The following DLGAP1 variants were observed in gnomAD, a reference collection of about 807,000 sequenced individuals.
DLGAP1 encodes disks large-associated protein 1.
DLGAP1 carries 11 observed loss-of-function variants against 90.8 expected under a neutral mutation model. The observed-to-expected ratio is 0.12, with a 90% CI of 0.08 to 0.20. DLGAP1 has a LOEUF of 0.20. Ranked by LOEUF, DLGAP1 falls within the 10% of genes least tolerant of loss-of-function variation. DLGAP1 has a pLI of 1.00. For missense variants in DLGAP1, 1,050 were observed against 1,333.8 expected (o/e 0.79, Z 3.31); for synonymous variants, 558 against 540.7 (o/e 1.03, Z -0.44).
chr18:3,881,083 C>T (rs1390106194), intron 3 of DLGAP1, among the ~76,000 whole-genome samples: 3 of 148,452 alleles, frequency 2.0e-5, no homozygotes, highest in Non-Finnish European at 4.4e-5. Flanking sequence ...ATGTATCGTT[C>T]TCTTGCTTCT....
At chr18:4,106,075 A>C (rs982516475) in intron 2 of DLGAP1, among the ~76,000 whole-genome samples, 1 of 151,704 alleles carries the variant, frequency 6.6e-6, no homozygotes, top group African/African-American at 2.4e-5. Flanking sequence ...AATTAAACTA[A>C]AAACTGCTTA....
chr18:3,920,474 C>T (rs541426415), intron 3 of DLGAP1, among the ~76,000 whole-genome samples: 1 of 152,204 alleles, frequency 6.6e-6, no homozygotes, highest in African/African-American at 2.4e-5. Flanking sequence ...TTTCCTACCT[C>T]CCCTCTGCTG....
At chr18:4,429,979 A>T (rs2144741237) in intron 1 of DLGAP1, among the ~76,000 whole-genome samples, 1 of 152,358 alleles carries the variant, frequency 6.6e-6, no homozygotes, top group East Asian at 1.9e-4. Context: ...CCATTTTCAT[A>T]AAATTTGAAA....
intron 1 of DLGAP1, among the ~76,000 whole-genome samples, chr18:4,338,371 A>G (rs868572032): frequency 3.9e-5 from 6 of 152,354 alleles, no homozygotes; most frequent in South Asian, 4.1e-4. Flanking sequence ...TACATGTCCA[A>G]TAATACTTCT....
At chr18:3,948,208 C>A (rs1204273328) in intron 3 of DLGAP1, among the ~76,000 whole-genome samples, 1 of 152,158 alleles carries the variant, frequency 6.6e-6, no homozygotes, top group East Asian at 1.9e-4. Flanking sequence ...CAAAGACATC[C>A]AGTTGATGGC....
chr18:4,322,322 G>A (rs1288537017), intron 1 of DLGAP1, among the ~76,000 whole-genome samples: 1 of 152,142 alleles, frequency 6.6e-6, no homozygotes, highest in African/African-American at 2.4e-5. Context: ...AATAGGAGAG[G>A]TCAGAAATAA....
chr18:3,684,792 A>G (rs2060639987), intron 7 of DLGAP1, among the ~76,000 whole-genome samples: 1 of 152,144 alleles, frequency 6.6e-6, no homozygotes, highest in African/African-American at 2.4e-5. Flanking sequence ...AATGTCACTT[A>G]GACCACACCT....
intron 3 of DLGAP1, among the ~76,000 whole-genome samples, chr18:3,912,307 G>T (rs2072052590): frequency 6.6e-6 from 1 of 152,180 alleles, no homozygotes; most frequent in African/African-American, 2.4e-5. Context: ...ACTGTGTTAA[G>T]TTCTGTGGGG....
chr18:3,537,809 T>C (rs759394574), intron 9 of DLGAP1, among the ~76,000 whole-genome samples: 3 of 152,238 alleles, frequency 2.0e-5, no homozygotes, highest in Non-Finnish European at 2.9e-5. Flanking sequence ...GTGTGTTCTG[T>C]GATTTCTGTG....
chr18:3,671,464 A>G (rs1116347), intron 7 of DLGAP1, among the ~76,000 whole-genome samples: 61,515 of 152,098 alleles, frequency 0.4, 13,821 homozygotes, highest in East Asian at 0.79. Flanking sequence ...TAGGTGCTCC[A>G]TAAATGCTTG....
At chr18:3,973,386 C>T (rs1303960077) in intron 3 of DLGAP1, among the ~76,000 whole-genome samples, 2 of 151,790 alleles carry the variant, frequency 1.3e-5, no homozygotes, top group East Asian at 1.9e-4. Context: ...TAGTCATTTC[C>T]GTCCTGGAAG....
At chr18:3,712,607 G>A (rs962786497) in intron 7 of DLGAP1, among the ~76,000 whole-genome samples, 3 of 152,328 alleles carry the variant, frequency 2.0e-5, no homozygotes, top group Non-Finnish European at 4.4e-5. Flanking sequence ...CCATTACAGG[G>A]AGACAATATG....
chr18:4,348,400 ATGTGTG>A lies in DLGAP1; in HGVS notation c.-267+106600_-267+106605del, dbSNP rs71160958. 4.2e-3 allele frequency among the ~76,000 whole-genome samples: 560 copies of A among 133,456 alleles called. 1 individual carries two copies. Among genetic ancestry groups the A allele is most frequent in the Middle Eastern group, 0.015 (4 of 274 alleles). 87.6% of individuals were successfully genotyped at this position (133,456 alleles called of 152,430 possible). A position where few individuals can be genotyped will look rare whatever the true frequency, so the allele number is the denominator to read the frequency against. The stretch of plus-strand genomic sequence containing the variant: ...CAGGTGCCTCAGGATGAACTCAGGA[ATGTGTG>A]TGTGTGTGTGTGTGTGTGTGTGTGT... On this transcript the variant is annotated intron_variant, in intron 1 of 12. Transcript: ENST00000315677.
At chr18:3,761,559 G>C (rs1416570524) in intron 5 of DLGAP1, among the ~76,000 whole-genome samples, 1 of 151,176 alleles carries the variant, frequency 6.6e-6, no homozygotes, top group Non-Finnish European at 1.5e-5. Flanking sequence ...ATCTGTTTCA[G>C]TCCCTTCTTT....
At position 3,498,295 on chromosome 18, in the gene DLGAP1, A is replaced by G. The variant is rs1049803158; in HGVS notation, c.*890T>C. On this transcript the variant is annotated 3_prime_UTR_variant, in exon 13 of 13. Transcript: ENST00000315677. ...CGCCACGACAACAATATAAATATACACAGTACAATAAGAGTTGAGAAAACA... is the reference window on the plus strand; with the variant it reads ...CGCCACGACAACAATATAAATATACGCAGTACAATAAGAGTTGAGAAAACA... 2.0e-5 allele frequency: 3 copies of G among 152,224 alleles called. No homozygotes were observed. Among genetic ancestry groups the G allele is most frequent in the Non-Finnish European group, 2.9e-5 (2 of 68,042 alleles). The allele number at this position is 152,224 out of a possible 1,614,324, so 9.4% of individuals were successfully genotyped here. A position where few individuals can be genotyped will look rare whatever the true frequency, so the allele number is the denominator to read the frequency against.
At chr18:4,261,575 A>G (rs565882540) in intron 1 of DLGAP1, among the ~76,000 whole-genome samples, 9 of 152,138 alleles carry the variant, frequency 5.9e-5, no homozygotes, top group African/African-American at 1.7e-4. Context: ...CTTCGTCCCT[A>G]TTCCACCTCT....
At chr18:3,506,453 C>T (rs1204111322) in intron 11 of DLGAP1, among the ~76,000 whole-genome samples, 1 of 133,254 alleles carries the variant, frequency 7.5e-6, no homozygotes, top group East Asian at 2.4e-4. Flanking sequence ...GCGGAGGTTG[C>T]AGTGAGCCGA....
At chr18:4,320,527 A>G (rs1488866310) in intron 1 of DLGAP1, among the ~76,000 whole-genome samples, 1 of 152,162 alleles carries the variant, frequency 6.6e-6, no homozygotes, top group East Asian at 1.9e-4. Flanking sequence ...GGAGGCAAAT[A>G]CAGAAAGCCA....
chr18:3,613,136 C>T (rs1197234090), intron 7 of DLGAP1, among the ~76,000 whole-genome samples: 2 of 152,040 alleles, frequency 1.3e-5, no homozygotes, highest in Admixed American at 1.3e-4. Flanking sequence ...CCACGCCTGG[C>T]CTTTTAGTCC....
Sources: gnomAD v4.1 joint callset for allele counts (sites outside exome capture counted in the v4.1 genomes callset) on GRCh38, gnomAD v4.1.1 for gene constraint, MANE v1.5 for transcripts, NCBI Gene and HGNC (gene_info 2026-07-23, HGNC 2026-07-21) for gene names.